Variants in B3GALT1 observed in about 807,000 individuals in gnomAD.
B3GALT1 encodes the protein beta-1,3-galactosyltransferase 1, also known as UDP-Gal:betaGlcNAc beta 1,3-galactosyltransferase, polypeptide 1.
Under a neutral mutation model 23.2 loss-of-function variants are expected in B3GALT1, and 10 were observed. The observed-to-expected ratio is 0.43, with a 90% confidence interval of 0.27 to 0.73. The LOEUF is 0.73. Among genes scored for constraint, B3GALT1 ranks in the 30% least tolerant of loss-of-function variants. B3GALT1 has a pLI of 0.21. For synonymous variants in B3GALT1, 156 were observed against 141.5 expected (o/e 1.10, Z -0.73); for missense variants, 299 against 405.4 (o/e 0.74, Z 2.25).
At chr2:167,579,238 T>G (rs1293027285) in intron 2 of B3GALT1, among the ~76,000 whole-genome samples, 1 of 152,028 alleles carries the variant, frequency 6.6e-6, no homozygotes, top group African/African-American at 2.4e-5. Flanking sequence ...TTGATTTCAG[T>G]ACCCTCTTTT....
At position 167,504,497 on chromosome 2, in the gene B3GALT1, A is replaced by C. The variant is rs1332633476; in HGVS notation, c.-410+14220A>C. 2.0e-5 allele frequency among the ~76,000 whole-genome samples: 3 copies of C among 152,206 alleles called. No homozygotes were observed. The East Asian group carries it at 5.8e-4, about 29-fold the overall frequency. On this transcript the variant is annotated intron_variant, in intron 2 of 4. Coordinates refer to ENST00000392690, the MANE Select transcript of B3GALT1 (RefSeq NM_020981.4). ...AAGCAAATTATAGGACTATGTGACC[A>C]TGAAAATGCCTCTTTTCCCTTTAAC...
chr2:167,740,272 A>G (rs1316136376), intron 3 of B3GALT1, among the ~76,000 whole-genome samples: 1 of 152,100 alleles, frequency 6.6e-6, no homozygotes, highest in Non-Finnish European at 1.5e-5. Flanking sequence ...GATGGTACCT[A>G]CCATCTCTAA....
chr2:167,646,150 T>G (rs966547093), intron 2 of B3GALT1, among the ~76,000 whole-genome samples: 10 of 152,096 alleles, frequency 6.6e-5, no homozygotes, highest in Non-Finnish European at 1.0e-4. Flanking sequence ...AGTGATTTGG[T>G]ACAAATTAAA....
chr2:167,373,444 T>G (rs1454660870), intron 1 of B3GALT1, among the ~76,000 whole-genome samples: 3 of 151,718 alleles, frequency 2.0e-5, no homozygotes, highest in African/African-American at 7.3e-5. Flanking sequence ...CTGAGAGTAT[T>G]CTAAATACGT....
intron 2 of B3GALT1, among the ~76,000 whole-genome samples, chr2:167,636,113 A>G (rs983606383): frequency 6.6e-6 from 1 of 151,898 alleles, no homozygotes; most frequent in Admixed American, 6.6e-5. Context: ...TAAAAAAGAA[A>G]TTGAACTGAA....
intron 2 of B3GALT1, among the ~76,000 whole-genome samples, chr2:167,543,202 TAAAC>T (rs937914980): frequency 6.6e-6 from 1 of 152,264 alleles, no homozygotes; most frequent in East Asian, 1.9e-4. Flanking sequence ...TTTTTTGAAA[TAAAC>T]AGAATAAGGT....
chr2:167,312,793 A>T (rs1482294785), intron 1 of B3GALT1, among the ~76,000 whole-genome samples: 1 of 152,108 alleles, frequency 6.6e-6, no homozygotes, highest in Non-Finnish European at 1.5e-5. Context: ...GAGCAGTGAC[A>T]GTTCTTTTCA....
intron 3 of B3GALT1, among the ~76,000 whole-genome samples, chr2:167,656,830 G>A (rs1049803483): frequency 6.6e-6 from 1 of 152,094 alleles, no homozygotes; most frequent in Admixed American, 6.6e-5. Flanking sequence ...TGGATTTGGG[G>A]GAGAGTTGGA....
chr2:167,773,243 T>C (rs1688101288), intron 3 of B3GALT1, among the ~76,000 whole-genome samples: 1 of 152,224 alleles, frequency 6.6e-6, no homozygotes, highest in African/African-American at 2.4e-5. Flanking sequence ...TTTGATATTA[T>C]ATGTTGTATT....
intron 2 of B3GALT1, among the ~76,000 whole-genome samples, chr2:167,492,053 A>G (rs765733696): frequency 2.9e-4 from 44 of 152,180 alleles, no homozygotes; most frequent in Non-Finnish European, 5.3e-4. Flanking sequence ...TTTGACGCAC[A>G]TATAATGACA....
chr2:167,776,159 T>TGGA (rs1183580166), intron 3 of B3GALT1, among the ~76,000 whole-genome samples: 3 of 152,230 alleles, frequency 2.0e-5, no homozygotes, highest in Middle Eastern at 3.4e-3. Flanking sequence ...CTTGTAGACC[T>TGGA]GGATATGGTC....
intron 2 of B3GALT1, among the ~76,000 whole-genome samples, chr2:167,548,696 G>GTGTGTGTGTGTGAGAGTGTA (rs1282201057): frequency 6.6e-6 from 1 of 151,364 alleles, no homozygotes; most frequent in African/African-American, 2.4e-5. Context: ...GTGTGTGTGT[G>GTGTGTGTGTGTGAGAGTGTA]TGTGTGTGTG....
chr2:167,819,596 G>C (rs1323293778), intron 4 of B3GALT1, among the ~76,000 whole-genome samples: 1 of 152,070 alleles, frequency 6.6e-6, no homozygotes, highest in Non-Finnish European at 1.5e-5. Flanking sequence ...CTGTGACTTT[G>C]GGCCACTTAC....
chr2:167,712,809 GAA>G, intron 3 of B3GALT1, among the ~76,000 whole-genome samples: 1 of 152,156 alleles, frequency 6.6e-6, no homozygotes, highest in Admixed American at 6.5e-5. Flanking sequence ...TAAGCACTAG[GAA>G]AAAGTGTTGC....
At chr2:167,555,815 C>G (rs1683838114) in intron 2 of B3GALT1, among the ~76,000 whole-genome samples, 1 of 152,014 alleles carries the variant, frequency 6.6e-6, no homozygotes, top group Admixed American at 6.6e-5. Context: ...GGGGAATGCA[C>G]TAAGGATGAA....
Position 167,810,402 on chromosome 2 carries a change from C to A in B3GALT1, c.-351-8270C>A, listed in dbSNP as rs190015839. ...TGGAAGCTGTAGAGTGGAGCTGTTCCTATTCGGCCATCTTGGCTCCACCCT... is the reference window on the plus strand; with the variant it reads ...TGGAAGCTGTAGAGTGGAGCTGTTCATATTCGGCCATCTTGGCTCCACCCT... On this transcript the variant is annotated intron_variant, in intron 3 of 4. Transcript: ENST00000392690. Among the ~76,000 whole-genome samples, 1,360 of 150,500 alleles carry A rather than the reference C, an allele frequency of 9.0e-3. 106 individuals carry two copies. The highest frequency in any genetic ancestry group is 0.032 in the African/African-American group (1,269 of 40,094).
intron 2 of B3GALT1, among the ~76,000 whole-genome samples, chr2:167,554,688 C>T (rs965602651): frequency 6.6e-6 from 1 of 152,146 alleles, no homozygotes; most frequent in African/African-American, 2.4e-5. Flanking sequence ...ACTCATAGCA[C>T]ATCTTCCACA....
chr2:167,376,727 C>G (rs923604781), intron 1 of B3GALT1, among the ~76,000 whole-genome samples: 11 of 151,724 alleles, frequency 7.3e-5, no homozygotes, highest in Non-Finnish European at 4.4e-5. Context: ...TGGATCTTCT[C>G]TTTTTTTTAC....
rs536017678 is a variant in B3GALT1 at position 167,752,724 on chromosome 2, A to C, written c.-351-65948A>C. 2.7e-4 allele frequency among the ~76,000 whole-genome samples: 41 copies of C among 152,256 alleles called. No homozygotes were observed. In the South Asian group the frequency reaches 8.5e-3, roughly 32 times the overall value. ...TGAACAAAGCTCCGAAAAGGAAAAA[A>C]CAAAAAGTCTCAACTCAGCAACTCA... On this transcript the variant is annotated intron_variant, in intron 3 of 4. Transcript: ENST00000392690.
Sources: allele counts gnomAD v4.1 joint callset (sites outside exome capture counted in the v4.1 genomes callset), GRCh38; gene constraint gnomAD v4.1.1; transcripts MANE v1.5; gene names NCBI Gene and HGNC (gene_info 2026-07-23, HGNC 2026-07-21).